The following FBXL13 variants were observed in gnomAD, a reference collection of about 807,000 sequenced individuals.
The protein encoded by FBXL13 is F-box and leucine-rich repeat protein 13.
In FBXL13, 67 loss-of-function variants were observed where a neutral mutation model predicts 83.6. The ratio of observed to expected loss-of-function variants is 0.80; its 90% CI spans 0.66 to 0.98. The LOEUF is 0.98. Ranked by LOEUF, FBXL13 falls within the 50% of genes least tolerant of loss-of-function variation. The pLI, the probability that FBXL13 is intolerant of heterozygous loss-of-function variation, is 0.00. For missense variants in FBXL13, 822 were observed against 866.5 expected, an observed-to-expected ratio of 0.95 and a Z score of 0.64; for synonymous variants, 272 against 299.5, an observed-to-expected ratio of 0.91 and a Z score of 0.95.
At chr7:103,068,458 A>C (rs1798603453) in intron 1 of FBXL13, among the ~76,000 whole-genome samples, 1 of 152,238 alleles carries the variant, frequency 6.6e-6, no homozygotes, top group African/African-American at 2.4e-5. Context: ...TAGGATGTGG[A>C]AAGTCACCAT....
chr7:102,821,982 A>G, intron 19 of FBXL13, 58 bp downstream of exon 20: 1 of 1,542,864 alleles, frequency 6.5e-7, no homozygotes, highest in Non-Finnish European at 8.9e-7. Context: ...ATAGCCATAT[A>G]CTATGTTTTC....
At chr7:102,980,311 T>C (rs531493540) in intron 6 of FBXL13, among the ~76,000 whole-genome samples, 1 of 152,262 alleles carries the variant, frequency 6.6e-6, no homozygotes, top group Admixed American at 6.5e-5. Flanking sequence ...CCATACATCA[T>C]GGCCAAGTGA....
At chr7:102,913,869 CATGAGA>C (rs1293421578) in intron 10 of FBXL13, among the ~76,000 whole-genome samples, 1 of 152,122 alleles carries the variant, frequency 6.6e-6, no homozygotes, top group Non-Finnish European at 1.5e-5. Flanking sequence ...GCAGGCAACA[CATGAGA>C]AGAATCAAAA....
At chr7:103,010,535 T>G (rs891434249) in intron 6 of FBXL13, among the ~76,000 whole-genome samples, 4 of 152,014 alleles carry the variant, frequency 2.6e-5, no homozygotes, top group Admixed American at 6.5e-5. Context: ...AACCCAGCAG[T>G]ACCACTTCTG....
intron 6 of FBXL13, among the ~76,000 whole-genome samples, chr7:103,021,115 G>C (rs1374520583): frequency 5.9e-5 from 9 of 152,148 alleles, no homozygotes; most frequent in Non-Finnish European, 1.2e-4. Context: ...AAACAGCATG[G>C]TACTGGTACC....
rs542084727 is a variant in FBXL13 at position 103,025,195 on chromosome 7, T to C, written c.363A>G (p.Lys121=). The C allele has an allele frequency of 2.5e-6, 4 of 1,583,916 alleles. No homozygotes were observed. The East Asian group carries it at 9.1e-5, about 36-fold the overall frequency. ...CAGCTCTTTTGAGTATTAACCTATT[T>C]TTCCATTTTTTCAATTGAAGTTCAT... Residue 121 remains lysine, a synonymous_variant, in exon 6 of 20, where the codon AAA becomes AAG. Transcript: ENST00000313221.
At chr7:102,837,525 C>T (rs1053572863) in intron 17 of FBXL13, among the ~76,000 whole-genome samples, 5 of 152,226 alleles carry the variant, frequency 3.3e-5, no homozygotes, top group African/African-American at 1.2e-4. Context: ...CCCAATTCTT[C>T]TCTGTGGAAG....
intron 2 of FBXL13, among the ~76,000 whole-genome samples, chr7:103,049,729 C>T (rs1796618180): frequency 6.6e-6 from 1 of 152,208 alleles, no homozygotes; most frequent in South Asian, 2.1e-4. Context: ...AACCATAGCA[C>T]TCTTTAATAA....
At chr7:103,072,172 G>T (rs1799027333) in intron 1 of FBXL13, among the ~76,000 whole-genome samples, 1 of 150,480 alleles carries the variant, frequency 6.6e-6, no homozygotes, top group African/African-American at 2.5e-5. Flanking sequence ...GACAGAGCTA[G>T]ACTCTGTCTC....
At chr7:102,960,136 G>GA (rs1366108897) in intron 8 of FBXL13, among the ~76,000 whole-genome samples, 1 of 151,816 alleles carries the variant, frequency 6.6e-6, no homozygotes, top group African/African-American at 2.4e-5. Flanking sequence ...TTTTTTAGTA[G>GA]AAAAAATTGA....
At chr7:102,931,318 G>A (rs1322265753) in intron 9 of FBXL13, among the ~76,000 whole-genome samples, 1 of 152,210 alleles carries the variant, frequency 6.6e-6, no homozygotes, top group Non-Finnish European at 1.5e-5. Flanking sequence ...GGTCTTCAAG[G>A]TAGAGTAATA....
intron 10 of FBXL13, among the ~76,000 whole-genome samples, chr7:102,923,305 G>C (rs979868761): frequency 2.0e-5 from 3 of 152,056 alleles, no homozygotes; most frequent in African/African-American, 4.8e-5. Context: ...AATAAATCAA[G>C]CCCCGATTTG....
intron 2 of FBXL13, among the ~76,000 whole-genome samples, chr7:103,041,649 G>A (rs1230229025): frequency 1.3e-5 from 2 of 152,186 alleles, no homozygotes; most frequent in Admixed American, 6.5e-5. Context: ...TCATCCCTGG[G>A]ATGCAAGGCT....
At chr7:102,924,623 T>A (rs967461559) in intron 10 of FBXL13, among the ~76,000 whole-genome samples, 74 of 151,356 alleles carry the variant, frequency 4.9e-4, no homozygotes, top group African/African-American at 1.7e-3. Flanking sequence ...TCACCGAGAA[T>A]TTTCTGTGTA....
chr7:103,049,754 T>G (rs925644570), intron 2 of FBXL13, among the ~76,000 whole-genome samples: 1 of 152,214 alleles, frequency 6.6e-6, no homozygotes, highest in Non-Finnish European at 1.5e-5. Context: ...CTTTTAAAAT[T>G]TCTTATTACC....
rs537186804 is a variant in FBXL13 at position 102,851,471 on chromosome 7, T to C, written c.1719+3306A>G. Among the ~76,000 whole-genome samples, 1,017 of 140,684 alleles carry C rather than the reference T, an allele frequency of 7.2e-3. 12 individuals are homozygous for C. The highest frequency in any genetic ancestry group is 0.025 in the African/African-American group (970 of 38,614). The allele number at this position is 140,684 out of a possible 152,430, so 92.3% of individuals were successfully genotyped here. ...TCCTTCCTTCCCTCCCTCCCTCCCTTCCTTTCTTCCCTTTCCTTCTTCTCC... is the reference window on the plus strand; with the variant it reads ...TCCTTCCTTCCCTCCCTCCCTCCCTCCCTTTCTTCCCTTTCCTTCTTCTCC... On this transcript the variant is annotated intron_variant, in intron 17 of 19. Coordinates refer to ENST00000313221, the Ensembl canonical transcript of FBXL13.
intron 16 of FBXL13, among the ~76,000 whole-genome samples, chr7:102,863,642 C>T (rs1807202345): frequency 6.6e-6 from 1 of 152,052 alleles, no homozygotes; most frequent in Admixed American, 6.6e-5. Context: ...AAAACAAAAA[C>T]AAAGATTCCA....
intron 17 of FBXL13, among the ~76,000 whole-genome samples, chr7:102,843,259 C>T (rs1584567369): frequency 6.6e-6 from 1 of 152,076 alleles, no homozygotes; most frequent in Non-Finnish European, 1.5e-5. Flanking sequence ...GTCTGACCAA[C>T]ATGCTGAAAC....
At chr7:102,826,769 A>ATATATATATATGTATG (rs1414065543) in intron 18 of FBXL13, among the ~76,000 whole-genome samples, 4 of 100,744 alleles carry the variant, frequency 4.0e-5, no homozygotes, top group African/African-American at 1.5e-4. Flanking sequence ...ATATATATAT[A>ATATATATATATGTATG]TATGTATATA....
Sources: gnomAD v4.1 joint callset for allele counts (sites outside exome capture counted in the v4.1 genomes callset) on GRCh38, gnomAD v4.1.1 for gene constraint, MANE v1.5 for transcripts, NCBI Gene and HGNC (gene_info 2026-07-23, HGNC 2026-07-21) for gene names.